Variants in ZNF106 observed in about 807,000 individuals in gnomAD.
The protein encoded by ZNF106 is SH3-domain binding protein 3.
A neutral mutation model predicts 195.1 loss-of-function variants in ZNF106; 67 were observed. The observed-to-expected ratio is 0.34, with a 90% CI of 0.28 to 0.42. The LOEUF is 0.42. Ranked by LOEUF, ZNF106 falls within the 10% of genes least tolerant of loss-of-function variation. The pLI is 1.00. For synonymous variants in ZNF106, 784 were observed against 818.6 expected (o/e 0.96, Z 0.72); for missense variants, 2,118 against 2,304.5 (o/e 0.92, Z 1.66).
At chr15:42,458,099 A>C (rs2056290009) in intron 3 of ZNF106, among the ~76,000 whole-genome samples, 1 of 152,154 alleles carries the variant, frequency 6.6e-6, no homozygotes, top group Non-Finnish European at 1.5e-5. Context: ...CCATAGTTAC[A>C]AGACAGCAGT....
rs531200241 is a variant in ZNF106 at position 42,442,659 on chromosome 15, C to T, written c.3422-245G>A. Among the ~76,000 whole-genome samples, 9 of 150,404 alleles carry T rather than the reference C, an allele frequency of 6.0e-5. No individual in the cohort carries two copies. In the East Asian group the frequency reaches 1.8e-3, roughly 29 times the overall value. ...TGAGATAGGGTCTCGCTTTGTCACC[C>T]AGGCTGCAGTGCAGTGGTGCAAACA... On this transcript the variant is annotated intron_variant, in intron 9 of 21. Transcript: ENST00000564754.
At chr15:42,470,778 CCT>C (rs1462103960) in intron 2 of ZNF106, among the ~76,000 whole-genome samples, 1 of 152,182 alleles carries the variant, frequency 6.6e-6, no homozygotes, top group Non-Finnish European at 1.5e-5. Context: ...CTTCTCCCTA[CCT>C]CTGTCCAACG....
At chr15:42,444,137 AAGCAGAG>A in intron 9 of ZNF106, 58 bp downstream of exon 9, 3 of 929,354 alleles carry the variant, frequency 3.2e-6, no homozygotes, top group Non-Finnish European at 4.8e-6. Context: ...AAAAAAAAAA[AAGCAGAG>A]AAAACAAAAA....
chr15:42,469,275 C>T (rs1371167892), intron 2 of ZNF106, among the ~76,000 whole-genome samples: 1 of 152,180 alleles, frequency 6.6e-6, no homozygotes. Context: ...GCCTAATCCC[C>T]TTTACTTGAG....
chr15:42,472,199 G>A (rs2056686931), intron 2 of ZNF106, 37 bp downstream of exon 2: 1 of 1,518,354 alleles, frequency 6.6e-7, no homozygotes, highest in Non-Finnish European at 8.8e-7. Context: ...TTAAAAAATA[G>A]TCATAAAGCC....
In ZNF106 at chr15:42,482,535, T is replaced by G. The variant is rs77735179; in HGVS notation, c.-33+8445A>C. ...ATGAAATCTCCAGTTTTTTTTTTTT[T>G]TTTTTTTTTTTGAGATGGAGTCTCA... On this transcript the variant is annotated intron_variant, in intron 1 of 21. Coordinates refer to ENST00000564754, the MANE Select transcript of ZNF106 (RefSeq NM_001366845.3). 8.3e-3 allele frequency among the ~76,000 whole-genome samples: 1,163 copies of G among 139,906 alleles called. 36 individuals are homozygous for G. In the East Asian group the frequency reaches 0.089, roughly 11 times the overall value. The allele number at this position is 139,906 out of a possible 152,430, so 91.8% of individuals were successfully genotyped here.
chr15:42,424,294 G>C, intron 16 of ZNF106: 1 of 496,902 alleles, frequency 2.0e-6, no homozygotes, highest in Non-Finnish European at 3.6e-6. Context: ...GAATGATTAT[G>C]AAGCAGCCTA....
Position 42,439,603 on chromosome 15 carries a change from C to T in ZNF106, c.3974G>A (p.Ser1325Asn), listed in dbSNP as rs771574706. 15 of 1,614,062 alleles carry T rather than the reference C, an allele frequency of 9.3e-6. No homozygotes were observed. Among genetic ancestry groups the T allele is most frequent in the Non-Finnish European group, 1.3e-5 (15 of 1,179,998 alleles). The stretch of plus-strand genomic sequence containing the variant: ...AGAACTGGTACAGGCTTCAGACCCA[C>T]TATTGCCTTTGGTTGGCTCTTCCCC... Reference protein sequence around the residue: ...KEGEEPTKGNSGSEACTSSFL... With the variant: ...KEGEEPTKGNNGSEACTSSFL... Residue 1325 changes from serine (S) to asparagine (N), a missense_variant, in exon 11 of 22, where the codon AGT becomes AAT. Physicochemically the swap from Ser to Asn is conservative, Grantham distance 46 (BLOSUM62 1). Transcript: ENST00000564754.
At chr15:42,470,515 T>TA (rs34495177) in intron 2 of ZNF106, among the ~76,000 whole-genome samples, 6 of 152,034 alleles carry the variant, frequency 3.9e-5, no homozygotes, top group South Asian at 4.1e-4. Flanking sequence ...TTCCTTTTTT[T>TA]AAAAAAAAGG....
At chr15:42,427,907 G>A in intron 15 of ZNF106, 111 bp downstream of exon 15, 1 of 827,686 alleles carries the variant, frequency 1.2e-6, no homozygotes, top group African/African-American at 1.7e-5. Context: ...TAATTCTGCT[G>A]CTTCCTCACA....
intron 19 of ZNF106, 91 bp from the exon 20 acceptor site, chr15:42,421,223 C>T: frequency 8.3e-7 from 1 of 1,207,546 alleles, no homozygotes; most frequent in Non-Finnish European, 1.2e-6. Flanking sequence ...CTTGCAGCAG[C>T]TACAAGAAAA....
intron 14 of ZNF106, among the ~76,000 whole-genome samples, chr15:42,433,611 T>G (rs978597183): frequency 6.7e-6 from 1 of 150,212 alleles, no homozygotes; most frequent in Non-Finnish European, 1.5e-5. Context: ...GCCTCCCGAG[T>G]AGCTGGGATT....
intron 10 of ZNF106, 76 bp from the exon 11 acceptor site, chr15:42,439,889 A>G (rs1382215003): frequency 7.2e-7 from 1 of 1,394,402 alleles, no homozygotes; most frequent in African/African-American, 1.5e-5. Context: ...AACTCTACCA[A>G]ATATTTCAAT....
intron 14 of ZNF106, among the ~76,000 whole-genome samples, chr15:42,430,622 C>T (rs1232443832): frequency 4.0e-5 from 6 of 151,742 alleles, no homozygotes; most frequent in Non-Finnish European, 5.9e-5. Flanking sequence ...TGGGCTCAAG[C>T]GATCCTCCCA....
At chr15:42,420,976 C>T in intron 20 of ZNF106, 85 bp downstream of exon 20, 3 of 1,202,252 alleles carry the variant, frequency 2.5e-6, no homozygotes, top group South Asian at 1.2e-5. Flanking sequence ...AAAAATGCTA[C>T]ACTGATGATA....
In ZNF106 at chr15:42,422,007, A is replaced by G. The variant is rs1269307700; in HGVS notation, c.5374-19T>C. On this transcript the variant is annotated intron_variant, in intron 18 of 21. Coordinates refer to ENST00000564754, the MANE Select transcript of ZNF106 (RefSeq NM_001366845.3). ...CATGAGACTTAGGCAGAAAAAAAAA[A>G]AGAGAATTGAAGTTATTTATACCTT... The G allele has an allele frequency of 2.2e-5, 34 of 1,565,248 alleles. No individual in the cohort carries two copies. The highest frequency in any genetic ancestry group is 2.9e-5 in the Non-Finnish European group (33 of 1,156,214).
At chr15:42,429,308 G>A (rs1024237321) in intron 14 of ZNF106, among the ~76,000 whole-genome samples, 37 of 151,556 alleles carry the variant, frequency 2.4e-4, no homozygotes, top group Admixed American at 5.9e-4. Flanking sequence ...GCATGGTGGT[G>A]CGTGCTTGTA....
intron 3 of ZNF106, chr15:42,457,516 T>C (rs1321864905): frequency 1.8e-6 from 2 of 1,124,602 alleles, no homozygotes; most frequent in Non-Finnish European, 2.2e-6. Context: ...AGCACACCCA[T>C]GGTGCCAGCT....
chr15:42,462,954 TG>T (rs1444422325), intron 3 of ZNF106, among the ~76,000 whole-genome samples: 1 of 136,494 alleles, frequency 7.3e-6, no homozygotes, highest in East Asian at 2.0e-4. Flanking sequence ...GGCTTTTTTT[TG>T]TTTTGTTTTT....
Sources: gnomAD v4.1 joint callset for allele counts (sites outside exome capture counted in the v4.1 genomes callset) on GRCh38, gnomAD v4.1.1 for gene constraint, MANE v1.5 for transcripts, NCBI Gene and HGNC (gene_info 2026-07-23, HGNC 2026-07-21) for gene names.